The following CPPED1 variants were observed in gnomAD, a reference collection of about 807,000 sequenced individuals.
CPPED1 encodes calcineurin like phosphoesterase domain containing 1, also known as serine/threonine-protein phosphatase CPPED1.
In CPPED1, 28 loss-of-function variants were observed where a neutral mutation model predicts 28.0. That is an observed-to-expected ratio of 1.00 (90% CI 0.74 to 1.37). CPPED1 has a LOEUF of 1.37. CPPED1 is among the 40% of genes most tolerant of loss of function. The pLI is 0.00. For synonymous variants in CPPED1, 198 were observed against 180.2 expected (o/e 1.10, Z -0.79); for missense variants, 504 against 416.5 (o/e 1.21, Z -1.83).
At chr16:12,725,701 ATC>A (rs1209522968) in intron 2 of CPPED1, among the ~76,000 whole-genome samples, 2 of 152,130 alleles carry the variant, frequency 1.3e-5, no homozygotes, top group African/African-American at 4.8e-5. Flanking sequence ...TCGTGTTCAA[ATC>A]TCTCTCAGTG....
intron 1 of CPPED1, among the ~76,000 whole-genome samples, chr16:12,784,570 C>T (rs1006857620): frequency 3.5e-5 from 5 of 144,076 alleles, no homozygotes; most frequent in African/African-American, 1.3e-4. Flanking sequence ...AAAAAAAAAA[C>T]TGAGACTCTG....
chr16:12,747,627 T>C (rs530723818), intron 2 of CPPED1, among the ~76,000 whole-genome samples: 3 of 152,164 alleles, frequency 2.0e-5, no homozygotes, highest in Non-Finnish European at 4.4e-5. Context: ...CCATGTTGCC[T>C]GTCTGGTCTC....
chr16:12,788,034 T>A (rs577841423), intron 1 of CPPED1, among the ~76,000 whole-genome samples: 1 of 152,356 alleles, frequency 6.6e-6, no homozygotes, highest in Non-Finnish European at 1.5e-5. Context: ...CCTCACTGGC[T>A]GCTGCCTGGA....
rs138898236 is a variant in CPPED1 at position 12,689,131 on chromosome 16, T to C, written c.715+15493A>G. On this transcript the variant is annotated intron_variant, in intron 3 of 3. Coordinates refer to ENST00000381774, the MANE Select transcript of CPPED1 (RefSeq NM_018340.3). ...AGAGTACAATGAGCTGTGGTCTGGG[T>C]TTTTAATGACATGAGATAATGCTTT... Among the ~76,000 whole-genome samples, 16 of 152,040 alleles carry C rather than the reference T, an allele frequency of 1.1e-4. 1 individual carries two copies. The highest frequency in any genetic ancestry group is 1.3e-4 in the Non-Finnish European group (9 of 67,980).
chr16:12,724,013 A>G (rs2080156121), intron 2 of CPPED1, among the ~76,000 whole-genome samples: 1 of 152,076 alleles, frequency 6.6e-6, no homozygotes, highest in African/African-American at 2.4e-5. Context: ...CAAGCCCTTC[A>G]TGGTGCATGG....
At chr16:12,714,717 G>A (rs1218984406) in intron 2 of CPPED1, among the ~76,000 whole-genome samples, 1 of 152,116 alleles carries the variant, frequency 6.6e-6, no homozygotes, top group Non-Finnish European at 1.5e-5. Flanking sequence ...TACAGGATTT[G>A]CAAGTATTCC....
chr16:12,704,929 T>G lies in CPPED1; in HGVS notation c.410A>C (p.Glu137Ala). Residue 137 changes from glutamate to alanine, a missense_variant, in exon 3 of 4, where the codon GAG becomes GCG. Coordinates refer to ENST00000381774, the MANE Select transcript of CPPED1 (RefSeq NM_018340.3). ...AGTCCGGCAGAACTCCTCGACGGTC[T>G]CGGCCGTGGGGGTGTTGCCAATGTC... is the stretch of plus-strand genomic sequence containing the variant. ...NHDIGNTPTAETVEEFCRTWG... is the reference protein window; with the variant it reads ...NHDIGNTPTAATVEEFCRTWG... 6.2e-7 allele frequency: 1 copy of G among 1,614,152 alleles called. No individual in the cohort carries two copies. The highest frequency in any genetic ancestry group is 8.5e-7 in the Non-Finnish European group (1 of 1,180,030).
chr16:12,755,454 G>C (rs1365759476), intron 2 of CPPED1, among the ~76,000 whole-genome samples: 1 of 151,692 alleles, frequency 6.6e-6, no homozygotes, highest in Admixed American at 6.6e-5. Context: ...GCTAATTTTT[G>C]TATTTTTTGT....
chr16:12,773,811 T>C (rs777878711), intron 2 of CPPED1, among the ~76,000 whole-genome samples: 10 of 152,208 alleles, frequency 6.6e-5, no homozygotes, highest in East Asian at 1.9e-4. Flanking sequence ...CTGTGGTGAT[T>C]TGGCATCACC....
intron 2 of CPPED1, among the ~76,000 whole-genome samples, chr16:12,756,326 G>T (rs2080367804): frequency 6.6e-6 from 1 of 152,146 alleles, no homozygotes; most frequent in African/African-American, 2.4e-5. Context: ...TTATGGGAGT[G>T]ATCTGCAACA....
chr16:12,683,673 C>A (rs1006176303), intron 3 of CPPED1, among the ~76,000 whole-genome samples: 4 of 152,164 alleles, frequency 2.6e-5, no homozygotes, highest in African/African-American at 9.7e-5. Flanking sequence ...CTGGTCCATG[C>A]GTCCTGTTGA....
At chr16:12,694,405 A>T (rs905034284) in intron 3 of CPPED1, among the ~76,000 whole-genome samples, 1 of 152,188 alleles carries the variant, frequency 6.6e-6, no homozygotes, top group Non-Finnish European at 1.5e-5. Flanking sequence ...TTCTCAATTT[A>T]TAAATATTTA....
chr16:12,733,423 C>T (rs578000620), intron 2 of CPPED1, among the ~76,000 whole-genome samples: 166 of 152,038 alleles, frequency 1.1e-3, no homozygotes, highest in African/African-American at 3.5e-3. Flanking sequence ...TACAGGCGCC[C>T]GCCACCACAT....
At chr16:12,714,171 T>C (rs954250212) in intron 2 of CPPED1, among the ~76,000 whole-genome samples, 1 of 152,254 alleles carries the variant, frequency 6.6e-6, no homozygotes, top group East Asian at 1.9e-4. Context: ...ATTTTGTTTA[T>C]CCATTCATCT....
At chr16:12,783,513 A>T (rs1019332696) in intron 1 of CPPED1, among the ~76,000 whole-genome samples, 9 of 124,340 alleles carry the variant, frequency 7.2e-5, no homozygotes, top group Non-Finnish European at 7.0e-5. Context: ...AAATAAATTA[A>T]ATAAATAAAT....
intron 3 of CPPED1, among the ~76,000 whole-genome samples, chr16:12,671,065 G>A (rs2079850584): frequency 6.6e-6 from 1 of 152,018 alleles, no homozygotes. Context: ...TGGCCAGGCT[G>A]GTCTCAAACT....
chr16:12,690,540 G>T (rs1232445859), intron 3 of CPPED1, among the ~76,000 whole-genome samples: 1 of 149,012 alleles, frequency 6.7e-6, no homozygotes. Flanking sequence ...AAAAAGGCCA[G>T]GTGTGGTGGC....
chr16:12,737,971 G>C (rs2080235600), intron 2 of CPPED1, among the ~76,000 whole-genome samples: 1 of 152,202 alleles, frequency 6.6e-6, no homozygotes, highest in Non-Finnish European at 1.5e-5. Flanking sequence ...AAGTCATCAT[G>C]GAAATGATAA....
At chr16:12,802,462 G>A (rs1183315081) in intron 1 of CPPED1, among the ~76,000 whole-genome samples, 1 of 152,122 alleles carries the variant, frequency 6.6e-6, no homozygotes, top group East Asian at 1.9e-4. Context: ...TTAGCCGGGC[G>A]TGGTGGTGCG....
Sources: allele counts gnomAD v4.1 joint callset (sites outside exome capture counted in the v4.1 genomes callset), GRCh38; gene constraint gnomAD v4.1.1; transcripts MANE v1.5; gene names NCBI Gene and HGNC (gene_info 2026-07-23, HGNC 2026-07-21).